HTR4: variants seen among roughly 807,000 people sequenced by gnomAD.
HTR4 encodes the protein 5-hydroxytryptamine (serotonin) receptor 4, G protein-coupled.
A neutral mutation model predicts 36.8 loss-of-function variants in HTR4; 16 were observed. The ratio of observed to expected loss-of-function variants is 0.43; its 90% CI spans 0.29 to 0.66. HTR4 has a LOEUF of 0.66. Among genes scored for constraint, HTR4 ranks in the 30% least tolerant of loss-of-function variants. The probability of loss-of-function intolerance (pLI) is 0.13; values close to 1 mark genes in which losing one functional copy is unlikely to be tolerated. For synonymous variants in HTR4, 189 were observed against 185.1 expected, an observed-to-expected ratio of 1.02 and a Z score of -0.17; for missense variants, 438 against 490.9, an observed-to-expected ratio of 0.89 and a Z score of 1.02.
chr5:148,575,153 T>C (rs780459722), intron 2 of HTR4, among the ~76,000 whole-genome samples: 6 of 152,028 alleles, frequency 3.9e-5, no homozygotes, highest in African/African-American at 7.2e-5. Flanking sequence ...TTAGAGGCTC[T>C]TCTCAACCTC....
At chr5:148,491,419 C>G (rs1025862889) in intron 6 of HTR4, among the ~76,000 whole-genome samples, 2 of 152,040 alleles carry the variant, frequency 1.3e-5, no homozygotes, top group Non-Finnish European at 2.9e-5. Context: ...AAAGACCTCT[C>G]CTGCTGTCCT....
intron 2 of HTR4, among the ~76,000 whole-genome samples, chr5:148,619,736 T>C (rs886215424): frequency 4.6e-5 from 7 of 152,002 alleles, no homozygotes; most frequent in African/African-American, 9.7e-5. Flanking sequence ...GCCAAGATTG[T>C]AGAAGCTGTA....
At position 148,509,827 on chromosome 5, in the gene HTR4, G is replaced by A; in HGVS notation, c.705C>T (p.Ser235=). 6.2e-7 allele frequency: 1 copy of A among 1,614,060 alleles called. No homozygotes were observed. The change falls in exon 6 of 7, where the codon TCC becomes TCT. Residue 235 remains serine, a synonymous_variant. Transcript: ENST00000377888. The part of the protein sequence containing the change: ...QIQMLQRAGA[S]SESRPQSADQ... Reference sequence around the variant, plus strand: ...CTGCCGACTGAGGCCTGCTCTCGGAGGAGGCTCCTGCCCGTTGTAACATCT... The same window carrying A: ...CTGCCGACTGAGGCCTGCTCTCGGAAGAGGCTCCTGCCCGTTGTAACATCT...
intron 1 of HTR4, among the ~76,000 whole-genome samples, chr5:148,637,294 G>T (rs9325107): frequency 0.45 from 68,783 of 151,946 alleles, 15,846 homozygotes; most frequent in East Asian, 0.59. Flanking sequence ...AAACATATGG[G>T]TGCTTCTTTT....
At chr5:148,583,924 T>G (rs1244067997) in intron 2 of HTR4, among the ~76,000 whole-genome samples, 1 of 152,174 alleles carries the variant, frequency 6.6e-6, no homozygotes, top group Non-Finnish European at 1.5e-5. Flanking sequence ...AACTTGATGG[T>G]GGAATTTGCA....
At chr5:148,538,896 C>CA (rs921611781) in intron 4 of HTR4, among the ~76,000 whole-genome samples, 16 of 151,526 alleles carry the variant, frequency 1.1e-4, no homozygotes, top group East Asian at 1.9e-4. Flanking sequence ...AATATGGAAC[C>CA]AAAAAAAAGC....
intron 2 of HTR4, among the ~76,000 whole-genome samples, chr5:148,579,266 T>G (rs1761045392): frequency 6.6e-6 from 1 of 152,090 alleles, no homozygotes; most frequent in South Asian, 2.1e-4. Context: ...ATGTAAATTT[T>G]TGGCAATTTA....
intron 2 of HTR4, among the ~76,000 whole-genome samples, chr5:148,585,843 C>T (rs753117950): frequency 9.9e-5 from 15 of 152,160 alleles, no homozygotes; most frequent in Non-Finnish European, 1.8e-4. Flanking sequence ...TCATTTCCTA[C>T]CACTCTCTCA....
downstream of HTR4, among the ~76,000 whole-genome samples, chr5:148,472,508 G>C (rs1466235353): frequency 2.6e-5 from 4 of 152,118 alleles, no homozygotes; most frequent in African/African-American, 4.8e-5. Flanking sequence ...TGTTGGTATT[G>C]TTGTTTAGTT....
chr5:148,552,955 A>G (rs189247327), intron 2 of HTR4, among the ~76,000 whole-genome samples: 1 of 152,318 alleles, frequency 6.6e-6, no homozygotes, highest in East Asian at 1.9e-4. Context: ...GCCTGGTTGA[A>G]AGTATAGAGA....
intron 5 of HTR4, among the ~76,000 whole-genome samples, chr5:148,466,849 T>C (rs1476938834): frequency 6.6e-6 from 1 of 152,236 alleles, no homozygotes; most frequent in Non-Finnish European, 1.5e-5. Context: ...TTCAACTTGA[T>C]TTGTCTTGTA....
chr5:148,613,095 A>G (rs1322724974), intron 2 of HTR4, among the ~76,000 whole-genome samples: 35 of 146,234 alleles, frequency 2.4e-4, no homozygotes, highest in African/African-American at 8.1e-4. Flanking sequence ...GAATTCTACC[A>G]GAGGTACAAG....
chr5:148,476,050 G>A (rs1166328689), downstream of HTR4, among the ~76,000 whole-genome samples: 1 of 152,166 alleles, frequency 6.6e-6, no homozygotes, highest in Non-Finnish European at 1.5e-5. Flanking sequence ...AGGCAGAAAG[G>A]TGCAGAGACA....
chr5:148,530,423 A>G (rs1758502616), intron 4 of HTR4, among the ~76,000 whole-genome samples: 1 of 152,188 alleles, frequency 6.6e-6, no homozygotes, highest in South Asian at 2.1e-4. Context: ...AGGAGCCAAC[A>G]TAGAGCTCAG....
Position 148,483,071 on chromosome 5 carries a change from C to A in HTR4, c.*132G>T. 6.7e-7 allele frequency: 1 copy of A among 1,492,768 alleles called. No homozygotes were observed. The highest frequency in any genetic ancestry group is 1.3e-5 in the South Asian group (1 of 75,292). 92.5% of individuals were successfully genotyped at this position (1,492,768 alleles called of 1,614,324 possible). A position where few individuals can be genotyped will look rare whatever the true frequency, so the allele number is the denominator to read the frequency against. ...TCTCAGAGGAAAAGCCCAGCGAGCACCGGGTTCCTGCACTGGCGGACGGAA... is the reference window on the plus strand; with the variant it reads ...TCTCAGAGGAAAAGCCCAGCGAGCAACGGGTTCCTGCACTGGCGGACGGAA... On this transcript the variant is annotated 3_prime_UTR_variant, in exon 7 of 7. Transcript: ENST00000377888.
chr5:148,630,573 T>C (rs542010339), intron 2 of HTR4, among the ~76,000 whole-genome samples: 59 of 152,308 alleles, frequency 3.9e-4, no homozygotes, highest in African/African-American at 1.4e-3. Context: ...ATTCAAACAA[T>C]TTAATAACTG....
At chr5:148,493,449 T>C (rs779329935) in intron 6 of HTR4, among the ~76,000 whole-genome samples, 36 of 152,244 alleles carry the variant, frequency 2.4e-4, no homozygotes, top group Non-Finnish European at 4.6e-4. Flanking sequence ...ATAATTTTGA[T>C]AATTCCACAT....
chr5:148,564,663 A>G (rs1760359855), intron 2 of HTR4, among the ~76,000 whole-genome samples: 1 of 152,176 alleles, frequency 6.6e-6, no homozygotes, highest in Non-Finnish European at 1.5e-5. Context: ...TTTGAATTAC[A>G]AGTTATAGCT....
intron 4 of HTR4, among the ~76,000 whole-genome samples, chr5:148,541,573 C>G (rs1227536617): frequency 6.6e-6 from 1 of 152,066 alleles, no homozygotes; most frequent in African/African-American, 2.4e-5. Flanking sequence ...GAGAAGGCGA[C>G]ACATGTTATC....
Sources: gnomAD v4.1 joint callset for allele counts (sites outside exome capture counted in the v4.1 genomes callset) on GRCh38, gnomAD v4.1.1 for gene constraint, MANE v1.5 for transcripts, NCBI Gene and HGNC (gene_info 2026-07-23, HGNC 2026-07-21) for gene names.